Variants in BCAS3 observed in about 807,000 individuals in gnomAD.
BCAS3 encodes BCAS3 microtubule associated cell migration factor.
BCAS3 carries 53 observed loss-of-function variants against 116.1 expected under a neutral mutation model. The observed-to-expected ratio is 0.46, with a 90% CI of 0.37 to 0.57. The LOEUF (loss-of-function observed/expected upper bound fraction) is 0.57, where lower values mean the gene tolerates loss of function less well. Ranked by LOEUF, BCAS3 falls within the 20% of genes least tolerant of loss-of-function variation. The probability of loss-of-function intolerance (pLI) is 0.00; values close to 1 mark genes in which losing one functional copy is unlikely to be tolerated. For synonymous variants in BCAS3, 391 were observed against 408.2 expected (o/e 0.96, Z 0.51); for missense variants, 917 against 1,165.4 (o/e 0.79, Z 3.10).
chr17:61,285,047 C>A lies in BCAS3; in HGVS notation c.2426-83280C>A, dbSNP rs1254020897. ...GCTGCCCTAAATTCCTGTCCTTGGT[C>A]TCTGTTGGGACCATGCCTACTGACT... On this transcript the variant is annotated intron_variant, in intron 22 of 23. Transcript: ENST00000407086. The surrounding 1 kb of genome is among the most constrained non-coding windows in gnomAD (Gnocchi z 5.4). Among the ~76,000 whole-genome samples, 1 of 152,224 alleles carries A rather than the reference C, an allele frequency of 6.6e-6. No homozygotes were observed. The highest frequency in any genetic ancestry group is 6.5e-5 in the Admixed American group (1 of 15,280).
At position 60,810,683 on chromosome 17, in the gene BCAS3, C is replaced by A. The variant is rs1009559976; in HGVS notation, c.476+2607C>A. The A allele has an allele frequency of 7.5e-6, 5 of 665,398 alleles. 1 individual carries two copies. Among genetic ancestry groups the A allele is most frequent in the South Asian group, 5.7e-5 (4 of 70,146 alleles). The allele number at this position is 665,398 out of a possible 1,614,324, so 41.2% of individuals were successfully genotyped here. On this transcript the variant is annotated intron_variant, in intron 7 of 23. Transcript: ENST00000407086. ...AGAGTCAAGTATGAGACAGAGCTGG[C>A]CATGCCCTAGTCTGTGGAGAGGGAC...
intron 22 of BCAS3, among the ~76,000 whole-genome samples, chr17:61,298,885 C>T (rs1420829603): frequency 6.6e-6 from 1 of 151,704 alleles, no homozygotes; most frequent in Non-Finnish European, 1.5e-5. Flanking sequence ...TGCAGTGGCG[C>T]AATCTTGGCT....
intron 4 of BCAS3, among the ~76,000 whole-genome samples, chr17:60,701,110 G>C (rs2036321274): frequency 6.6e-6 from 1 of 151,970 alleles, no homozygotes; most frequent in African/African-American, 2.4e-5. Flanking sequence ...CAGGCGTGGT[G>C]ACGCACATCT....
At chr17:60,930,595 A>G (rs1428933190) in intron 13 of BCAS3, among the ~76,000 whole-genome samples, 1 of 152,032 alleles carries the variant, frequency 6.6e-6, no homozygotes, top group African/African-American at 2.4e-5. Flanking sequence ...AGCTGGGATT[A>G]CAGGTGTGCG....
At chr17:61,246,390 A>T (rs1400232768) in intron 22 of BCAS3, among the ~76,000 whole-genome samples, 1 of 145,066 alleles carries the variant, frequency 6.9e-6, no homozygotes, top group Non-Finnish European at 1.5e-5. Flanking sequence ...CTGAGGCGAG[A>T]GGACCACAGA....
intron 6 of BCAS3, among the ~76,000 whole-genome samples, chr17:60,774,508 C>T (rs1427043130): frequency 6.6e-6 from 1 of 152,072 alleles, no homozygotes; most frequent in African/African-American, 2.4e-5. Flanking sequence ...GTTTGGATGC[C>T]ACACATTTTG....
At chr17:60,790,674 T>G (rs987311778) in intron 6 of BCAS3, among the ~76,000 whole-genome samples, 1 of 152,040 alleles carries the variant, frequency 6.6e-6, no homozygotes, top group African/African-American at 2.4e-5. Flanking sequence ...AGGCACTGAT[T>G]ATTATATAAT....
intron 22 of BCAS3, chr17:61,086,683 A>G: frequency 1.0e-6 from 1 of 985,266 alleles, no homozygotes; most frequent in Non-Finnish European, 1.2e-6. Flanking sequence ...GCTAAGCTTT[A>G]TTATTATTTT....
chr17:61,299,071 C>A (rs941820009), intron 22 of BCAS3, among the ~76,000 whole-genome samples: 4 of 151,878 alleles, frequency 2.6e-5, no homozygotes, highest in Non-Finnish European at 5.9e-5. Context: ...GATCCTCCCA[C>A]CTCAGCCTCC....
chr17:60,841,697 T>C (rs574054779), intron 7 of BCAS3, among the ~76,000 whole-genome samples: 1 of 152,102 alleles, frequency 6.6e-6, no homozygotes, highest in Admixed American at 6.6e-5. Context: ...TCATAGTTTC[T>C]ATGGGTTAGG....
At position 60,960,904 on chromosome 17, in the gene BCAS3, A is replaced by T. The variant is rs925955199; in HGVS notation, c.1221+13552A>T. Among the ~76,000 whole-genome samples the T allele has an allele frequency of 2.6e-5, 4 of 152,002 alleles. No homozygotes were observed. Among genetic ancestry groups the T allele is most frequent in the Admixed American group, 6.6e-5 (1 of 15,246 alleles). ...ATGTCATGGGGATCCATGCCATCAG[A>T]CAAGAGGACACTCCACAGATCTTTC... is the stretch of plus-strand genomic sequence containing the variant. On this transcript the variant is annotated intron_variant, in intron 14 of 23. Coordinates refer to ENST00000407086, the MANE Select transcript of BCAS3 (RefSeq NM_017679.5). This position sits in a 1 kb window ranked among gnomAD's most constrained non-coding sequence, Gnocchi z 4.1.
At position 60,991,380 on chromosome 17, in the gene BCAS3, G is replaced by A. The variant is rs911032627; in HGVS notation, c.1486+1145G>A. Among the ~76,000 whole-genome samples, 3 of 152,038 alleles carry A rather than the reference G, an allele frequency of 2.0e-5. No homozygotes were observed. The East Asian group carries it at 5.8e-4, about 29-fold the overall frequency. On this transcript the variant is annotated intron_variant, in intron 15 of 23. Transcript: ENST00000407086. Reference sequence around the variant, plus strand: ...GTACATTGCATGGTTTCAGGTTTGGGGATAATATGTATACTAATTTTTGAG... The same window carrying A: ...GTACATTGCATGGTTTCAGGTTTGGAGATAATATGTATACTAATTTTTGAG...
intron 6 of BCAS3, among the ~76,000 whole-genome samples, chr17:60,752,884 G>A (rs1359011333): frequency 1.3e-5 from 2 of 152,134 alleles, no homozygotes; most frequent in African/African-American, 2.4e-5. Flanking sequence ...TCACTTTGTG[G>A]CCCAGGCTGG....
chr17:60,973,889 G>C (rs528325209), intron 14 of BCAS3, among the ~76,000 whole-genome samples: 1 of 152,202 alleles, frequency 6.6e-6, no homozygotes, highest in South Asian at 2.1e-4. Context: ...ACCACACCCT[G>C]CCTAAAAATA....
chr17:60,876,320 G>A (rs1300577539), intron 9 of BCAS3, among the ~76,000 whole-genome samples: 1 of 151,858 alleles, frequency 6.6e-6, no homozygotes, highest in African/African-American at 2.4e-5. Context: ...CATTCTGTTG[G>A]AGGTACATTT....
chr17:60,772,327 C>T (rs9913254), intron 6 of BCAS3, among the ~76,000 whole-genome samples: 41,110 of 151,176 alleles, frequency 0.27, 11,205 homozygotes, highest in African/African-American at 0.71. Flanking sequence ...CATTTTTTCA[C>T]GTGTCTGTTG....
intron 5 of BCAS3, chr17:60,709,673 G>A (rs190096956): frequency 3.8e-6 from 1 of 260,218 alleles, no homozygotes; most frequent in East Asian, 1.4e-4. Context: ...ACAGGCGTGA[G>A]CCACTGCACC....
At chr17:60,702,097 C>G (rs191017008) in intron 4 of BCAS3, among the ~76,000 whole-genome samples, 79 of 152,272 alleles carry the variant, frequency 5.2e-4, no homozygotes, top group African/African-American at 1.9e-3. Flanking sequence ...TACACACACA[C>G]TTAACAGACA....
chr17:61,153,718 T>A (rs1460775901), intron 22 of BCAS3, among the ~76,000 whole-genome samples: 2 of 152,222 alleles, frequency 1.3e-5, no homozygotes, highest in Admixed American at 6.5e-5. Flanking sequence ...ATGTATCATT[T>A]TTTTTCTTGT....
Sources: gnomAD v4.1 joint callset for allele counts (sites outside exome capture counted in the v4.1 genomes callset) on GRCh38, gnomAD v4.1.1 for gene constraint, Gnocchi (gnomAD v3.1) non-coding constraint, MANE v1.5 for transcripts, NCBI Gene and HGNC (gene_info 2026-07-23, HGNC 2026-07-21) for gene names.